The following BCAT1 variants were observed in gnomAD, a reference collection of about 807,000 sequenced individuals.
BCAT1 encodes branched chain amino acid transaminase 1.
BCAT1 carries 48 observed loss-of-function variants against 52.4 expected under a neutral mutation model. The observed-to-expected ratio is 0.92, with a 90% CI of 0.73 to 1.16. The LOEUF (loss-of-function observed/expected upper bound fraction) is 1.16. Among genes scored for constraint, BCAT1 ranks in the 50% most tolerant of loss-of-function variants. The pLI is 0.00. For synonymous variants in BCAT1, 167 were observed against 161.3 expected (o/e 1.04, Z -0.27); for missense variants, 451 against 457.1 (o/e 0.99, Z 0.12).
chr12:24,837,044 A>AAAG lies in BCAT1; in HGVS notation c.818-449_818-448insCTT, dbSNP rs1420300880. On this transcript the variant is annotated intron_variant, in intron 7 of 10. Coordinates refer to ENST00000261192, the MANE Select transcript of BCAT1 (RefSeq NM_005504.7). ...AAAAAGAAAGAAAGAAAGAAAAAAG[A>AAAG]AAAGAAAAGAAAGAGAGAAGGAAAG... Among the ~76,000 whole-genome samples, 89 of 96,592 alleles carry AAAG rather than the reference A, an allele frequency of 9.2e-4. 4 individuals carry two copies. The highest frequency in any genetic ancestry group is 1.4e-3 in the Admixed American group (14 of 9,874). The allele number at this position is 96,592 out of a possible 152,430, so 63.4% of individuals were successfully genotyped here. A position where few individuals can be genotyped will look rare whatever the true frequency, so the allele number is the denominator to read the frequency against.
intron 3 of BCAT1, among the ~76,000 whole-genome samples, chr12:24,882,672 C>G (rs895058784): frequency 1.3e-5 from 2 of 151,280 alleles, no homozygotes; most frequent in African/African-American, 4.9e-5. Flanking sequence ...GATCTTGGCT[C>G]ACTGCAACCT....
chr12:24,926,028 G>A (rs531277625), intron 1 of BCAT1, among the ~76,000 whole-genome samples: 1 of 152,304 alleles, frequency 6.6e-6, no homozygotes, highest in Admixed American at 6.5e-5. Context: ...TGGGAAGTGA[G>A]GAGCTTCTCT....
intron 3 of BCAT1, among the ~76,000 whole-genome samples, chr12:24,882,104 T>G (rs549411088): frequency 1.3e-5 from 2 of 152,310 alleles, no homozygotes; most frequent in African/African-American, 2.4e-5. Context: ...GGCTAAACCT[T>G]AGTAAAGATA....
rs1318702287 is a variant in BCAT1, at chr12:24,836,839, AGAGAGAG to A, written c.818-250_818-244del. ...GAAGGAAAGAAGGAAGGAAGGAAGG[AGAGAGAG>A]AGAAAGAAAGGAAGGAAGGAAGGAA... On this transcript the variant is annotated intron_variant, in intron 7 of 10. Coordinates refer to ENST00000261192, the MANE Select transcript of BCAT1 (RefSeq NM_005504.7). Among the ~76,000 whole-genome samples the A allele has an allele frequency of 1.1e-3, 144 of 134,670 alleles. 1 individual carries two copies. Among genetic ancestry groups the A allele is most frequent in the African/African-American group, 3.9e-3 (141 of 36,202 alleles). 88.3% of individuals were successfully genotyped at this position (134,670 alleles called of 152,430 possible). A position where few individuals can be genotyped will look rare whatever the true frequency, so the allele number is the denominator to read the frequency against.
chr12:24,849,952 G>A lies in BCAT1; in HGVS notation c.511-3C>T, dbSNP rs755927371. ...GGCTTCTTGACTCCAAGAGAAGGCT[G>A]CAACAAAGTAGAAGTACATACAACT... On this transcript the variant is annotated splice_region_variant and splice_polypyrimidine_tract_variant and intron_variant, in intron 5 of 10. Transcript: ENST00000261192. 1.6e-5 allele frequency: 25 copies of A among 1,601,860 alleles called. No homozygotes were observed. The East Asian group carries it at 2.7e-4, about 17-fold the overall frequency.
chr12:24,833,450 C>T (rs1017758133), intron 8 of BCAT1, among the ~76,000 whole-genome samples: 11 of 152,078 alleles, frequency 7.2e-5, no homozygotes, highest in African/African-American at 2.4e-4. Flanking sequence ...ACTCAGGAGG[C>T]AGAGGTTGCA....
chr12:24,876,760 A>G (rs1270772095), intron 5 of BCAT1, among the ~76,000 whole-genome samples: 1 of 152,220 alleles, frequency 6.6e-6, no homozygotes, highest in Non-Finnish European at 1.5e-5. Flanking sequence ...CAATGAGAAC[A>G]CATGGGCACA....
intron 6 of BCAT1, among the ~76,000 whole-genome samples, chr12:24,844,903 A>AAAAAAAAAAAC (rs1941296260): frequency 7.1e-6 from 1 of 140,016 alleles, no homozygotes; most frequent in Non-Finnish European, 1.6e-5. Context: ...TCAAAAAAAA[A>AAAAAAAAAAAC]AAAAAAAAAA....
intron 3 of BCAT1, among the ~76,000 whole-genome samples, chr12:24,882,820 C>T (rs933474149): frequency 6.6e-6 from 1 of 151,568 alleles, no homozygotes; most frequent in Non-Finnish European, 1.5e-5. Context: ...AGGCTGGTCT[C>T]GAACTCCTGG....
intron 1 of BCAT1, among the ~76,000 whole-genome samples, chr12:24,947,021 C>G (rs1388542589): frequency 1.3e-5 from 2 of 152,012 alleles, no homozygotes; most frequent in Non-Finnish European, 2.9e-5. Context: ...CCTCCCCAAC[C>G]CCCACCTCTT....
At chr12:24,840,162 G>T (rs1352494539) in intron 7 of BCAT1, among the ~76,000 whole-genome samples, 1 of 152,132 alleles carries the variant, frequency 6.6e-6, no homozygotes, top group Non-Finnish European at 1.5e-5. Context: ...TTATTGTTTG[G>T]ATAAAGAACA....
At chr12:24,883,810 G>A (rs756855009) in intron 3 of BCAT1, among the ~76,000 whole-genome samples, 1 of 152,038 alleles carries the variant, frequency 6.6e-6, no homozygotes, top group Non-Finnish European at 1.5e-5. Flanking sequence ...CATAAAAAGT[G>A]CACCACCTAG....
intron 5 of BCAT1, among the ~76,000 whole-genome samples, chr12:24,868,194 A>G (rs1942079913): frequency 6.6e-6 from 1 of 152,246 alleles, no homozygotes; most frequent in Non-Finnish European, 1.5e-5. Context: ...ACTCAGGATG[A>G]TCAGGGAAGT....
intron 1 of BCAT1, among the ~76,000 whole-genome samples, chr12:24,917,304 G>C (rs1432147393): frequency 1.3e-5 from 2 of 149,378 alleles, no homozygotes; most frequent in African/African-American, 2.5e-5. Flanking sequence ...TCAGCCTGCC[G>C]GGTAGCTGGA....
rs566007774 is a variant in BCAT1 at position 24,910,829 on chromosome 12, G to A, written c.7-8944C>T. On this transcript the variant is annotated intron_variant, in intron 1 of 10. Transcript: ENST00000261192. Reference sequence around the variant, plus strand: ...AACTTATAATAAGAACTGGGGCCAGGCACAGTGGCACACGCCTGTAATCCC... The same window carrying A: ...AACTTATAATAAGAACTGGGGCCAGACACAGTGGCACACGCCTGTAATCCC... Among the ~76,000 whole-genome samples, 6 of 152,300 alleles carry A rather than the reference G, an allele frequency of 3.9e-5. No individual in the cohort carries two copies. The South Asian group carries it at 1.2e-3, about 32-fold the overall frequency.
At chr12:24,898,520 C>CTTTTTTTTTTTTT (rs71448094) in intron 2 of BCAT1, among the ~76,000 whole-genome samples, 439 of 38,512 alleles carry the variant, frequency 0.011, 150 homozygotes, top group East Asian at 0.018. Context: ...TCAGTCAACA[C>CTTTTTTTTTTTTT]TTTTTTTTTT....
intron 10 of BCAT1, among the ~76,000 whole-genome samples, chr12:24,828,873 G>C (rs1940519603): frequency 6.6e-6 from 1 of 151,958 alleles, no homozygotes; most frequent in Non-Finnish European, 1.5e-5. Flanking sequence ...GGGAACGGTG[G>C]CATGAGACCT....
intron 5 of BCAT1, among the ~76,000 whole-genome samples, chr12:24,874,597 A>G (rs1034470114): frequency 6.6e-6 from 1 of 152,246 alleles, no homozygotes. Context: ...TCAGCTTTCA[A>G]TGACTTAAAG....
rs921742037 is a variant in BCAT1, at chr12:24,914,043, C to A, written c.7-12158G>T. On this transcript the variant is annotated intron_variant, in intron 1 of 10. Transcript: ENST00000261192. ...AAGGTCAGAGACAGGAGAGCAGGAGCCCAACATTCCCCAGTTGAGAAATTG... is the reference window on the plus strand; with the variant it reads ...AAGGTCAGAGACAGGAGAGCAGGAGACCAACATTCCCCAGTTGAGAAATTG... Among the ~76,000 whole-genome samples, 13 of 151,508 alleles carry A rather than the reference C, an allele frequency of 8.6e-5. No individual in the cohort carries two copies. In the East Asian group the frequency reaches 2.5e-3, roughly 29 times the overall value.
Sources: gnomAD v4.1 joint callset for allele counts (sites outside exome capture counted in the v4.1 genomes callset) on GRCh38, gnomAD v4.1.1 for gene constraint, MANE v1.5 for transcripts, NCBI Gene and HGNC (gene_info 2026-07-23, HGNC 2026-07-21) for gene names.